Variants in ZFP91 observed in about 807,000 individuals in gnomAD.
The protein encoded by ZFP91 is E3 ubiquitin-protein ligase ZFP91.
In ZFP91, 7 loss-of-function variants were observed where a neutral mutation model predicts 63.5. That is an observed-to-expected ratio of 0.11 (90% CI 0.06 to 0.21). The LOEUF (loss-of-function observed/expected upper bound fraction) is 0.21. ZFP91 is among the 10% of genes least tolerant of loss of function. ZFP91 has a pLI of 1.00. For missense variants in ZFP91, 628 were observed against 736.6 expected, an observed-to-expected ratio of 0.85 and a Z score of 1.71; for synonymous variants, 330 against 272.1, an observed-to-expected ratio of 1.21 and a Z score of -2.10.
At chr11:58,606,451 T>C (rs1590625058) in intron 2 of ZFP91, among the ~76,000 whole-genome samples, 1 of 152,206 alleles carries the variant, frequency 6.6e-6, no homozygotes. Context: ...TTTAGTACTT[T>C]GTCAGTGATT....
At chr11:58,607,081 G>A (rs1855580723) in intron 2 of ZFP91, among the ~76,000 whole-genome samples, 1 of 152,040 alleles carries the variant, frequency 6.6e-6, no homozygotes, top group South Asian at 2.1e-4. Context: ...CAGTATAGGA[G>A]GTTGTGGGCA....
chr11:58,593,257 G>T (rs966027446), intron 2 of ZFP91, among the ~76,000 whole-genome samples: 3 of 152,152 alleles, frequency 2.0e-5, no homozygotes, highest in Non-Finnish European at 2.9e-5. Flanking sequence ...AAGTTTATCT[G>T]TCTGTCCCCA....
At chr11:58,590,265 G>C (rs1855281907) in intron 2 of ZFP91, among the ~76,000 whole-genome samples, 1 of 152,218 alleles carries the variant, frequency 6.6e-6, no homozygotes, top group African/African-American at 2.4e-5. Context: ...CAAGAAAGAA[G>C]AAATTCCTCT....
At chr11:58,591,911 G>A (rs1198233429) in intron 2 of ZFP91, among the ~76,000 whole-genome samples, 7 of 152,060 alleles carry the variant, frequency 4.6e-5, no homozygotes, top group African/African-American at 1.4e-4. Context: ...CTCTGCTGCT[G>A]GCATATTAGG....
chr11:58,598,227 G>C (rs932057150), intron 2 of ZFP91, among the ~76,000 whole-genome samples: 1 of 152,028 alleles, frequency 6.6e-6, no homozygotes, highest in Non-Finnish European at 1.5e-5. Flanking sequence ...TGTAAGTTTT[G>C]TTGAATTTTA....
rs555418595 is a variant in ZFP91 at position 58,618,539 on chromosome 11, G to A, written c.*833G>A. ...TTGAACATGTGTGTTTTTGTGTTGTGGAACCTGAGATTCCTTATTTATTAA... is the reference window on the plus strand; with the variant it reads ...TTGAACATGTGTGTTTTTGTGTTGTAGAACCTGAGATTCCTTATTTATTAA... On this transcript the variant is annotated 3_prime_UTR_variant, in exon 11 of 11. Transcript: ENST00000316059. 17 of 393,304 alleles carry A rather than the reference G, an allele frequency of 4.3e-5. No individual in the cohort carries two copies. The highest frequency in any genetic ancestry group is 3.4e-4 in the African/African-American group (16 of 47,306). 24.4% of individuals were successfully genotyped at this position (393,304 alleles called of 1,614,324 possible). A position where few individuals can be genotyped will look rare whatever the true frequency, so the allele number is the denominator to read the frequency against.
At position 58,610,998 on chromosome 11, in the gene ZFP91, G is replaced by A. The variant is rs776239529; in HGVS notation, c.666G>A (p.Glu222=). 6.2e-6 allele frequency: 10 copies of A among 1,613,110 alleles called. No individual in the cohort carries two copies. The highest frequency in any genetic ancestry group is 5.9e-6 in the Non-Finnish European group (7 of 1,179,708). The part of the protein sequence containing the change: ...EEEEEMLISE[E]EIPFKDDPRD... ...AAGAAGAGATGTTAATCAGTGAAGAGGAGATACCATTCAAAGATGATCCAA... is the reference window on the plus strand; with the variant it reads ...AAGAAGAGATGTTAATCAGTGAAGAAGAGATACCATTCAAAGATGATCCAA... Residue 222 remains glutamate (E), a synonymous_variant, in exon 5 of 11, where the codon GAG becomes GAA. Transcript: ENST00000316059.
intron 6 of ZFP91, 151 bp downstream of exon 6, chr11:58,611,889 A>AT (rs1368119480): frequency 9.9e-6 from 8 of 808,496 alleles, no homozygotes; most frequent in Non-Finnish European, 9.3e-6. Flanking sequence ...GCAGCTGACA[A>AT]TTTCACTGGA....
rs750256934 is a variant in ZFP91 at position 58,579,476 on chromosome 11, C to T, written c.195C>T (p.Ala65=). The T allele has an allele frequency of 2.0e-6, 3 of 1,495,008 alleles. No individual in the cohort carries two copies. Among genetic ancestry groups the T allele is most frequent in the Admixed American group, 2.3e-5 (1 of 43,456 alleles). The allele number at this position is 1,495,008 out of a possible 1,614,324, so 92.6% of individuals were successfully genotyped here. ...GCCGGGCCGCTGCGGCCGCCGCCGC[C>T]GCAGCTGTGTCCCGCCGGAGGAAGG... is the stretch of plus-strand genomic sequence containing the variant. ...DRGRAAAAAA[A]AAVSRRRKAE... Residue 65 remains alanine, a synonymous_variant, in exon 1 of 11, where the codon GCC becomes GCT. Coordinates refer to ENST00000316059, the MANE Select transcript of ZFP91 (RefSeq NM_053023.5).
At chr11:58,583,460 T>A (rs1334467656) in intron 1 of ZFP91, among the ~76,000 whole-genome samples, 5 of 152,070 alleles carry the variant, frequency 3.3e-5, no homozygotes, top group Non-Finnish European at 5.9e-5. Flanking sequence ...CTGTTTCCCT[T>A]TTGAAGGTCA....
chr11:58,579,358 C>T lies in ZFP91; in HGVS notation c.77C>T (p.Pro26Leu). 2 of 1,492,586 alleles carry T rather than the reference C, an allele frequency of 1.3e-6. No homozygotes were observed. Among genetic ancestry groups the T allele is most frequent in the Non-Finnish European group, 8.9e-7 (1 of 1,125,784 alleles). The allele number at this position is 1,492,586 out of a possible 1,614,324, so 92.5% of individuals were successfully genotyped here. ...QEGGEAAKAA[P>L]EEPQQRPPEA... ...GGGGGAGAGGCGGCCAAGGCGGCTC[C>T]GGAGGAGCCCCAACAACGGCCCCCT... Residue 26 changes from proline (P) to leucine (L), a missense_variant, in exon 1 of 11, where the codon CCG becomes CTG. By Grantham distance (98) the Pro-to-Leu change is moderately conservative. Coordinates refer to ENST00000316059, the MANE Select transcript of ZFP91 (RefSeq NM_053023.5).
Position 58,610,058 on chromosome 11 carries a change from A to G in ZFP91, c.580+19A>G. On this transcript the variant is annotated intron_variant, in intron 3 of 10. Coordinates refer to ENST00000316059, the MANE Select transcript of ZFP91 (RefSeq NM_053023.5). ...GATTATGGTACAGTGCAACTAGAAT[A>G]TGGCTGTTTACTAACTAGTTGCTGT... The G allele has an allele frequency of 6.2e-7, 1 of 1,611,464 alleles. No homozygotes were observed. The highest frequency in any genetic ancestry group is 2.2e-5 in the East Asian group (1 of 44,842).
chr11:58,580,244 T>C (rs887681404), intron 1 of ZFP91, among the ~76,000 whole-genome samples: 4 of 152,256 alleles, frequency 2.6e-5, no homozygotes, highest in African/African-American at 9.6e-5. Context: ...CTTTAATGTT[T>C]GTTTTTACTA....
chr11:58,598,352 C>T (rs952535086), intron 2 of ZFP91, among the ~76,000 whole-genome samples: 1 of 152,092 alleles, frequency 6.6e-6, no homozygotes, highest in Non-Finnish European at 1.5e-5. Context: ...CACAGTTTGT[C>T]TGCAAGTTTT....
At chr11:58,589,600 AAT>A (rs961239248) in intron 2 of ZFP91, among the ~76,000 whole-genome samples, 2 of 152,238 alleles carry the variant, frequency 1.3e-5, no homozygotes, top group African/African-American at 4.8e-5. Flanking sequence ...AGTTTCTGAC[AAT>A]ATAATGTTCA....
intron 2 of ZFP91, among the ~76,000 whole-genome samples, chr11:58,594,018 G>A (rs747281328): frequency 6.6e-6 from 1 of 152,068 alleles, no homozygotes; most frequent in Non-Finnish European, 1.5e-5. Flanking sequence ...TTTTTAGCTG[G>A]TTACCTAGCA....
At chr11:58,588,749 A>G (rs1169751810) in intron 2 of ZFP91, among the ~76,000 whole-genome samples, 5 of 152,006 alleles carry the variant, frequency 3.3e-5, no homozygotes, top group African/African-American at 1.2e-4. Flanking sequence ...TCTTTCTAGT[A>G]TATTTAAAGA....
chr11:58,594,400 T>C (rs1403401812), intron 2 of ZFP91, among the ~76,000 whole-genome samples: 2 of 152,256 alleles, frequency 1.3e-5, no homozygotes, highest in African/African-American at 4.8e-5. Flanking sequence ...ATTAAGTTAA[T>C]AAGCACTAGT....
At chr11:58,584,916 C>G (rs962437987) in intron 2 of ZFP91, 32 bp downstream of exon 2, 2 of 1,444,290 alleles carry the variant, frequency 1.4e-6, no homozygotes, top group African/African-American at 1.5e-5. Context: ...CTCTAGCGTA[C>G]ATTACACTGA....
Sources: gnomAD v4.1 joint callset for allele counts (sites outside exome capture counted in the v4.1 genomes callset) on GRCh38, gnomAD v4.1.1 for gene constraint, MANE v1.5 for transcripts, NCBI Gene and HGNC (gene_info 2026-07-23, HGNC 2026-07-21) for gene names.